ACTN2: variants seen among roughly 807,000 people sequenced by gnomAD.
ACTN2 encodes the protein actinin alpha 2.
Under a neutral mutation model 113.8 loss-of-function variants are expected in ACTN2, and 39 were observed. The ratio of observed to expected loss-of-function variants is 0.34; its 90% CI spans 0.27 to 0.45. The LOEUF is 0.45. Ranked by LOEUF, ACTN2 falls within the 20% of genes least tolerant of loss-of-function variation. ACTN2 has a pLI of 1.00. For synonymous variants in ACTN2, 429 were observed against 444.1 expected (o/e 0.97, Z 0.43); for missense variants, 992 against 1,177.9 (o/e 0.84, Z 2.31).
chr1:236,697,340 G>C (rs925094230), intron 1 of ACTN2, among the ~76,000 whole-genome samples: 1 of 152,074 alleles, frequency 6.6e-6, no homozygotes, highest in African/African-American at 2.4e-5. Context: ...AAAATATGGG[G>C]AATTTGGATT....
At chr1:236,738,398 T>C (rs1658957918) in intron 9 of ACTN2, among the ~76,000 whole-genome samples, 1 of 152,278 alleles carries the variant, frequency 6.6e-6, no homozygotes, top group Admixed American at 6.5e-5. Flanking sequence ...AGTGTAACTT[T>C]ATGATACTGA....
intron 1 of ACTN2, among the ~76,000 whole-genome samples, chr1:236,713,598 G>C (rs1572108526): frequency 6.6e-6 from 1 of 152,162 alleles, no homozygotes; most frequent in Non-Finnish European, 1.5e-5. Flanking sequence ...GTGTGTCTGT[G>C]TGTTTATGTA....
At chr1:236,695,160 A>G (rs1466367105) in intron 1 of ACTN2, among the ~76,000 whole-genome samples, 3 of 150,438 alleles carry the variant, frequency 2.0e-5, no homozygotes, top group Admixed American at 6.7e-5. Flanking sequence ...TGAGGCCAGG[A>G]GTTTGAGACC....
intron 1 of ACTN2, among the ~76,000 whole-genome samples, chr1:236,717,414 G>T (rs1018896525): frequency 3.9e-5 from 6 of 152,150 alleles, no homozygotes; most frequent in African/African-American, 1.4e-4. Context: ...TCCAGCCTGG[G>T]TGACAGAGCT....
intron 8 of ACTN2, 117 bp from the exon 9 acceptor site, chr1:236,737,005 C>T: frequency 1.3e-6 from 1 of 794,296 alleles, no homozygotes; most frequent in Non-Finnish European, 2.1e-6. Context: ...AAGCTAGACT[C>T]TGCACCGTCT....
chr1:236,710,041 A>G (rs779107378), intron 1 of ACTN2, among the ~76,000 whole-genome samples: 2 of 152,260 alleles, frequency 1.3e-5, no homozygotes, highest in Non-Finnish European at 2.9e-5. Context: ...GTATTGCTAA[A>G]AGAATTAATA....
chr1:236,712,345 G>A (rs1434242214), intron 1 of ACTN2, among the ~76,000 whole-genome samples: 1 of 152,128 alleles, frequency 6.6e-6, no homozygotes, highest in Non-Finnish European at 1.5e-5. Flanking sequence ...CTCTTTATAA[G>A]CTATTACCAC....
At chr1:236,744,502 C>CCT in intron 11 of ACTN2, 124 bp from the exon 12 acceptor site, 5 of 1,195,662 alleles carry the variant, frequency 4.2e-6, no homozygotes, top group Non-Finnish European at 6.1e-6. Context: ...CATCTTCAGT[C>CCT]CTGCCCCTCT....
chr1:236,743,303 C>T (rs1659129119), intron 11 of ACTN2, among the ~76,000 whole-genome samples: 1 of 152,304 alleles, frequency 6.6e-6, no homozygotes. Flanking sequence ...TACATAAGGC[C>T]TGGCCTCCTT....
rs550863181 is a variant in ACTN2 at position 236,747,881 on chromosome 1, C to T, written c.1515+106C>T. On this transcript the variant is annotated intron_variant, in intron 13 of 20. Transcript: ENST00000366578. The stretch of plus-strand genomic sequence containing the variant: ...TTCTCTGTGGCATGAAACAGGTTGC[C>T]TAGTGAAAGGAACCTCTAAAGAAAA... 2,319 of 895,790 alleles carry T rather than the reference C, an allele frequency of 2.6e-3. 5 individuals are homozygous for T. The highest frequency in any genetic ancestry group is 3.7e-3 in the Non-Finnish European group (2,057 of 555,528). 55.5% of individuals were successfully genotyped at this position (895,790 alleles called of 1,614,324 possible).
rs754834889 is a variant in ACTN2 at position 236,762,563 on chromosome 1, G to T, written c.2629G>T (p.Gly877Cys). 23 of 1,614,040 alleles carry T rather than the reference G, an allele frequency of 1.4e-5. No homozygotes were observed. Among genetic ancestry groups the T allele is most frequent in the Middle Eastern group, 3.3e-4 (2 of 6,084 alleles). Residue 877 changes from glycine (G) to cysteine (C), a missense_variant, in exon 21 of 21, where the codon GGT (glycine) becomes TGT (cysteine). Transcript: ENST00000366578. ...CTACTCGGGCCCAGGCAGTGTGCCT[G>T]GTGCACTGGATTACGCTGCGTTCTC... The part of the protein sequence containing the change: ...PAYSGPGSVP[G>C]ALDYAAFSSA...
chr1:236,732,702 CA>C (rs1354732214), intron 7 of ACTN2, among the ~76,000 whole-genome samples: 1 of 152,104 alleles, frequency 6.6e-6, no homozygotes, highest in African/African-American at 2.4e-5. Flanking sequence ...TTCGGCCTCC[CA>C]AAGTGCACGG....
intron 4 of ACTN2, among the ~76,000 whole-genome samples, chr1:236,721,022 G>GTTTTTTTTTTTTTTTTTTTT (rs869077774): frequency 5.4e-4 from 36 of 66,506 alleles, no homozygotes; most frequent in East Asian, 8.6e-4. Context: ...TTTGTTTTTT[G>GTTTTTTTTTTTTTTTTTTTT]TTTTTTTTTT....
rs114906297 is a variant in ACTN2 at position 236,757,660 on chromosome 1, A to G, written c.2301+28A>G. The G allele has an allele frequency of 4.0e-3, 6,494 of 1,613,694 alleles. 196 individuals are homozygous for G. In the African/African-American group the frequency reaches 0.07, roughly 17 times the overall value. Reference sequence around the variant, plus strand: ...ACCACTCTCTACTTATTTGAAGGGCAATACTGGGGACATTAAACAATGTAT... The same window carrying G: ...ACCACTCTCTACTTATTTGAAGGGCGATACTGGGGACATTAAACAATGTAT... On this transcript the variant is annotated intron_variant, in intron 18 of 20. Transcript: ENST00000366578.
At chr1:236,752,293 G>A (rs1170857202) in intron 15 of ACTN2, among the ~76,000 whole-genome samples, 1 of 152,086 alleles carries the variant, frequency 6.6e-6, no homozygotes, top group African/African-American at 2.4e-5. Flanking sequence ...TCCACCACGT[G>A]GGTCTGAAGT....
In ACTN2 at chr1:236,754,983, T is replaced by A; in HGVS notation, c.1975-36T>A. 1.2e-6 allele frequency: 2 copies of A among 1,613,916 alleles called. No homozygotes were observed. Among genetic ancestry groups the A allele is most frequent in the South Asian group, 2.2e-5 (2 of 91,068 alleles). ...AGCTCCCTTAGAGGGCACTTCACTCTGCTTCTCTCTCTGCTTGCTCACTCG... is the reference window on the plus strand; with the variant it reads ...AGCTCCCTTAGAGGGCACTTCACTCAGCTTCTCTCTCTGCTTGCTCACTCG... On this transcript the variant is annotated intron_variant, in intron 16 of 20. Transcript: ENST00000366578. This position sits in a 1 kb window ranked among gnomAD's most constrained non-coding sequence, Gnocchi z 4.9.
Position 236,737,298 on chromosome 1 carries a change from CATAT to C in ACTN2, c.876+101_876+104del, listed in dbSNP as rs67318171. On this transcript the variant is annotated intron_variant, in intron 9 of 20. Transcript: ENST00000366578. ...AGGGTGAAAAAATACTCCGTGGGGG[CATAT>C]ATATATATATATATATTTTGCATTT... is the stretch of plus-strand genomic sequence containing the variant. 3.6e-3 allele frequency: 1,215 copies of C among 341,562 alleles called. 5 individuals are homozygous for C. The highest frequency in any genetic ancestry group is 7.0e-3 in the East Asian group (110 of 15,782). 21.2% of individuals were successfully genotyped at this position (341,562 alleles called of 1,614,324 possible). A position where few individuals can be genotyped will look rare whatever the true frequency, so the allele number is the denominator to read the frequency against.
At chr1:236,728,693 G>C (rs1658631876) in intron 6 of ACTN2, among the ~76,000 whole-genome samples, 1 of 151,626 alleles carries the variant, frequency 6.6e-6, no homozygotes, top group East Asian at 2.0e-4. Flanking sequence ...TAAAGGTTTA[G>C]TGTGTTTAAG....
intron 1 of ACTN2, among the ~76,000 whole-genome samples, chr1:236,705,556 G>A (rs543847353): frequency 9.8e-5 from 15 of 152,330 alleles, no homozygotes; most frequent in Admixed American, 7.8e-4. Context: ...TTATTTGAAT[G>A]TCTGTAGACA....
Sources: gnomAD v4.1 joint callset for allele counts (sites outside exome capture counted in the v4.1 genomes callset) on GRCh38, gnomAD v4.1.1 for gene constraint, Gnocchi (gnomAD v3.1) non-coding constraint, MANE v1.5 for transcripts, NCBI Gene and HGNC (gene_info 2026-07-23, HGNC 2026-07-21) for gene names.